Variants in TAF8 observed in about 807,000 individuals in gnomAD.
The protein encoded by TAF8 is TATA-box binding protein associated factor 8, also known as transcription initiation factor TFIID subunit 8.
In TAF8, 47 loss-of-function variants were observed where a neutral mutation model predicts 36.5. That is an observed-to-expected ratio of 1.29 (90% CI 1.02 to 1.64). The LOEUF is 1.64. Ranked by LOEUF, TAF8 falls within the 40% of genes most tolerant of loss-of-function variation. TAF8 has a pLI of 0.00. For synonymous variants in TAF8, 175 were observed against 159.5 expected (o/e 1.10, Z -0.73); for missense variants, 420 against 407.6 (o/e 1.03, Z -0.26).
chr6:42,068,988 C>G (rs990092362), intron 7 of TAF8, among the ~76,000 whole-genome samples: 1 of 151,880 alleles, frequency 6.6e-6, no homozygotes, highest in African/African-American at 2.4e-5. Flanking sequence ...TGAGTAAAGA[C>G]CGGAAGGGAA....
downstream of TAF8, among the ~76,000 whole-genome samples, chr6:42,085,525 G>C (rs1180236363): frequency 6.6e-6 from 1 of 152,156 alleles, no homozygotes; most frequent in African/African-American, 2.4e-5. Flanking sequence ...CTTTGTGAAT[G>C]GGATTGGTGC....
chr6:42,055,597 T>G lies in TAF8; in HGVS notation c.269T>G (p.Leu90Arg), dbSNP rs745415464. The G allele has an allele frequency of 3.1e-6, 5 of 1,614,080 alleles. No homozygotes were observed. Among genetic ancestry groups the G allele is most frequent in the Non-Finnish European group, 3.4e-6 (4 of 1,180,028 alleles). The change falls in exon 3 of 9, where the codon CTG (leucine) becomes CGG (arginine). Residue 90 changes from leucine (L) to arginine (R), a missense_variant. Coordinates refer to ENST00000372977, the MANE Select transcript of TAF8 (RefSeq NM_138572.3). ...CACACAGCCAGGACCCAGCCCACAC[T>G]GTCCGATATCGTGGTCACACTTGTT... ...CEHTARTQPTLSDIVVTLVEM... is the reference protein window; with the variant it reads ...CEHTARTQPTRSDIVVTLVEM...
At chr6:42,065,488 G>A (rs1002268382) in intron 5 of TAF8, among the ~76,000 whole-genome samples, 3 of 152,218 alleles carry the variant, frequency 2.0e-5, no homozygotes, top group Non-Finnish European at 4.4e-5. Context: ...TCACTTGCAC[G>A]TATAATAAGA....
At chr6:42,077,498 A>G in intron 8 of TAF8, 35 bp from the exon 9 acceptor site, 1 of 1,610,740 alleles carries the variant, frequency 6.2e-7, no homozygotes, top group East Asian at 2.2e-5. Context: ...GACAGGGCCC[A>G]CACCAGGAGG....
At chr6:42,062,687 G>A (rs995148818) in intron 5 of TAF8, among the ~76,000 whole-genome samples, 1 of 151,178 alleles carries the variant, frequency 6.6e-6, no homozygotes, top group African/African-American at 2.4e-5. Context: ...ACAAGCGCCT[G>A]CCACCAAGCC....
chr6:42,060,718 A>G (rs973254235), intron 5 of TAF8, among the ~76,000 whole-genome samples: 4 of 152,222 alleles, frequency 2.6e-5, no homozygotes, highest in African/African-American at 9.6e-5. Context: ...TCTTTAAAAA[A>G]AAGCATGCCA....
intron 8 of TAF8, 100 bp downstream of exon 8, chr6:42,077,339 A>G: frequency 6.6e-7 from 1 of 1,512,322 alleles, no homozygotes; most frequent in Non-Finnish European, 8.9e-7. Flanking sequence ...AGCCTTGGGG[A>G]AAGCCACTCT....
downstream of TAF8, chr6:42,086,747 CTT>C: frequency 6.4e-7 from 1 of 1,551,212 alleles, no homozygotes; most frequent in Non-Finnish European, 8.7e-7. Context: ...AATTGTGAGA[CTT>C]TGCCCTAAGC....
chr6:42,070,317 T>C, intron 7 of TAF8, among the ~76,000 whole-genome samples: 1 of 146,536 alleles, frequency 6.8e-6, no homozygotes, highest in East Asian at 2.0e-4. Context: ...TGAAACCCGA[T>C]CTCTACTAAA....
chr6:42,077,115 G>C lies in TAF8; in HGVS notation c.796G>C (p.Glu266Gln), dbSNP rs760047297. 6.2e-7 allele frequency: 1 copy of C among 1,612,866 alleles called. No homozygotes were observed. Among genetic ancestry groups the C allele is most frequent in the Middle Eastern group, 1.7e-4 (1 of 6,054 alleles). ...TTGCTCAAAGGAGGATTCTGGAGCC[G>C]AGAAGGAGAACACCTCTGTCCTGCA... Reference protein sequence around the residue: ...LHISMEDSGAEKENTSVLQQN... With the variant: ...LHISMEDSGAQKENTSVLQQN... The change falls in exon 8 of 9, where the codon GAG (glutamate) becomes CAG (glutamine). Residue 266 changes from glutamate (E) to glutamine (Q), a missense_variant. Glu to Gln is a conservative substitution (Grantham distance 29). Coordinates refer to ENST00000372977, the MANE Select transcript of TAF8 (RefSeq NM_138572.3).
intron 4 of TAF8, among the ~76,000 whole-genome samples, chr6:42,056,583 G>A (rs776587770): frequency 3.4e-4 from 51 of 152,226 alleles, no homozygotes; most frequent in Admixed American, 1.8e-3. Flanking sequence ...AGGACCTGGA[G>A]AGAGTTAACT....
At chr6:42,075,656 G>GACTTCTTCCCCGTGGAAGA (rs369314664) in intron 7 of TAF8, among the ~76,000 whole-genome samples, 4 of 152,132 alleles carry the variant, frequency 2.6e-5, no homozygotes, top group Non-Finnish European at 4.4e-5. Context: ...GAATCTCAAT[G>GACTTCTTCCCCGTGGAAGA]ACTTCTTCCC....
At chr6:42,057,606 T>C in intron 5 of TAF8, 93 bp downstream of exon 5, 3 of 1,529,360 alleles carry the variant, frequency 2.0e-6, no homozygotes, top group Non-Finnish European at 2.7e-6. Context: ...CAAAAGCTTG[T>C]TGATGAAAGA....
In TAF8 at chr6:42,079,948, T is replaced by C. The variant is rs1407165966; in HGVS notation, c.*2403T>C. On this transcript the variant is annotated 3_prime_UTR_variant, in exon 9 of 9. Coordinates refer to ENST00000372977, the MANE Select transcript of TAF8 (RefSeq NM_138572.3). ...CCATGTTCTTCTGGCCTCACTGTAC[T>C]GTGTAAGGAAAGAGCTGCTTGTCAG... The C allele has an allele frequency of 5.1e-6, 5 of 984,698 alleles. No individual in the cohort carries two copies. The African/African-American group carries it at 7.0e-5, about 14-fold the overall frequency. 61.0% of individuals were successfully genotyped at this position (984,698 alleles called of 1,614,324 possible).
chr6:42,064,586 T>G (rs917732197), intron 5 of TAF8, among the ~76,000 whole-genome samples: 9 of 152,086 alleles, frequency 5.9e-5, no homozygotes, highest in African/African-American at 7.2e-5. Flanking sequence ...GTCAGAAAAT[T>G]CTGTTTCTTT....
intron 5 of TAF8, among the ~76,000 whole-genome samples, chr6:42,061,201 A>C (rs1196096447): frequency 6.6e-6 from 1 of 152,228 alleles, no homozygotes; most frequent in Admixed American, 6.5e-5. Flanking sequence ...ACAATTGACT[A>C]GGAATTTTGG....
At position 42,079,920 on chromosome 6, in the gene TAF8, GCT is replaced by G; in HGVS notation, c.*2377_*2378del. ...GAAAAACTTGGGGACTTGACAGCAG[GCT>G]CCATGTTCTTCTGGCCTCACTGTAC... On this transcript the variant is annotated 3_prime_UTR_variant, in exon 9 of 9. Coordinates refer to ENST00000372977, the MANE Select transcript of TAF8 (RefSeq NM_138572.3). 2.0e-6 allele frequency: 2 copies of G among 985,164 alleles called. No homozygotes were observed. 61.0% of individuals were successfully genotyped at this position (985,164 alleles called of 1,614,324 possible).
chr6:42,066,917 C>G (rs79454432), intron 6 of TAF8, among the ~76,000 whole-genome samples: 1 of 152,172 alleles, frequency 6.6e-6, no homozygotes, highest in Admixed American at 6.5e-5. Flanking sequence ...TTGGGTGATT[C>G]ATTCATTCAG....
chr6:42,057,361 G>GGGGT, intron 4 of TAF8, 28 bp from the exon 5 acceptor site: 1 of 1,613,848 alleles, frequency 6.2e-7, no homozygotes, highest in African/African-American at 1.3e-5. Flanking sequence ...CTTGGGTGGA[G>GGGGT]GGGTAATCAG....
Sources: allele counts gnomAD v4.1 joint callset (sites outside exome capture counted in the v4.1 genomes callset), GRCh38; gene constraint gnomAD v4.1.1; transcripts MANE v1.5; gene names NCBI Gene and HGNC (gene_info 2026-07-23, HGNC 2026-07-21).